Variants in HMGA2 observed in about 807,000 individuals in gnomAD.
HMGA2 encodes high mobility group protein HMGI-C.
HMGA2 carries 8 observed loss-of-function variants against 19.1 expected under a neutral mutation model. That is an observed-to-expected ratio of 0.42 (90% CI 0.25 to 0.76). HMGA2 has a LOEUF of 0.76. Among genes scored for constraint, HMGA2 ranks in the 30% least tolerant of loss-of-function variants. The pLI, the probability that HMGA2 is intolerant of heterozygous loss-of-function variation, is 0.28. For synonymous variants in HMGA2, 60 were observed against 48.8 expected (o/e 1.23, Z -0.96); for missense variants, 109 against 136.3 (o/e 0.80, Z 1.00).
intron 4 of HMGA2, among the ~76,000 whole-genome samples, chr12:65,962,516 G>A (rs2121332081): frequency 6.6e-6 from 1 of 152,306 alleles, no homozygotes; most frequent in South Asian, 2.1e-4. Flanking sequence ...CCGAACTTGG[G>A]TCACTGTCTC....
chr12:65,886,833 C>T (rs891925139), intron 3 of HMGA2, among the ~76,000 whole-genome samples: 2 of 152,172 alleles, frequency 1.3e-5, no homozygotes, highest in African/African-American at 4.8e-5. Context: ...CAACCCACAG[C>T]GGTCACTTTC....
At chr12:65,946,292 A>G (rs1876261866) in intron 3 of HMGA2, among the ~76,000 whole-genome samples, 1 of 152,216 alleles carries the variant, frequency 6.6e-6, no homozygotes, top group African/African-American at 2.4e-5. Flanking sequence ...AAACAAAATC[A>G]TATGATTTTA....
intron 3 of HMGA2, among the ~76,000 whole-genome samples, chr12:65,949,656 G>A (rs978467524): frequency 1.3e-5 from 2 of 152,126 alleles, no homozygotes; most frequent in African/African-American, 4.8e-5. Flanking sequence ...AAGTTAGGCA[G>A]GCAGAAAAAC....
chr12:65,900,684 A>C (rs1272259458), intron 3 of HMGA2, among the ~76,000 whole-genome samples: 3 of 152,262 alleles, frequency 2.0e-5, no homozygotes, highest in Admixed American at 2.0e-4. Flanking sequence ...CACTAGGAAC[A>C]AAATGAGCCC....
intron 3 of HMGA2, chr12:65,856,815 A>G (rs1871769622): frequency 6.6e-6 from 1 of 152,170 alleles, no homozygotes; most frequent in African/African-American, 2.4e-5. Flanking sequence ...TGGTTGCCAC[A>G]TGGTGGTAAC....
intron 4 of HMGA2, chr12:65,958,240 CTA>C (rs1292347046): frequency 6.6e-6 from 1 of 152,188 alleles, no homozygotes; most frequent in South Asian, 2.1e-4. Context: ...CCTAACAATT[CTA>C]TGTTTTTATA....
Position 65,855,565 on chromosome 12 carries a change from G to A in HMGA2, c.249+16996G>A, listed in dbSNP as rs138153559. Among the ~76,000 whole-genome samples, 32 of 151,946 alleles carry A rather than the reference G, an allele frequency of 2.1e-4. 4 individuals are homozygous for A. In the East Asian group the frequency reaches 2.1e-3, roughly 10 times the overall value. On this transcript the variant is annotated intron_variant, in intron 3 of 4. Coordinates refer to ENST00000403681, the MANE Select transcript of HMGA2 (RefSeq NM_003483.6). ...CCTCCAGGCTAAATGTCTCAGGCCTGCACTCTAGTCTGAGAAAAAATGGAT... is the reference window on the plus strand; with the variant it reads ...CCTCCAGGCTAAATGTCTCAGGCCTACACTCTAGTCTGAGAAAAAATGGAT...
chr12:65,833,736 C>T (rs955029785), intron 2 of HMGA2, among the ~76,000 whole-genome samples: 14 of 152,158 alleles, frequency 9.2e-5, no homozygotes, highest in African/African-American at 3.4e-4. Context: ...CACTTCACTG[C>T]ATTGAAATCA....
chr12:65,915,392 A>G (rs1035410893), intron 3 of HMGA2: 2 of 1,297,124 alleles, frequency 1.5e-6, no homozygotes, highest in East Asian at 3.3e-5. Context: ...ATGCAGAGCC[A>G]TGCCTGCGGG....
intron 4 of HMGA2, chr12:65,954,196 C>A (rs1876542134): frequency 6.6e-6 from 1 of 152,134 alleles, no homozygotes; most frequent in South Asian, 2.1e-4. Flanking sequence ...ATATAAATTC[C>A]AGGTAGCATT....
chr12:65,905,304 A>C (rs1044158373), intron 3 of HMGA2, among the ~76,000 whole-genome samples: 1 of 152,170 alleles, frequency 6.6e-6, no homozygotes, highest in Non-Finnish European at 1.5e-5. Flanking sequence ...CCGTTTTTGT[A>C]GGTAAAAAAA....
intron 4 of HMGA2, among the ~76,000 whole-genome samples, chr12:65,962,885 AC>A (rs1876791762): frequency 6.6e-6 from 1 of 152,112 alleles, no homozygotes. Context: ...GGTTTTTAAA[AC>A]TGATGAATGG....
At chr12:65,844,585 TA>T (rs2120902135) in intron 3 of HMGA2, among the ~76,000 whole-genome samples, 1 of 152,358 alleles carries the variant, frequency 6.6e-6, no homozygotes, top group East Asian at 1.9e-4. Flanking sequence ...GATTCAATAC[TA>T]ACATCTTTTT....
At chr12:65,890,873 A>C (rs1380059601) in intron 3 of HMGA2, among the ~76,000 whole-genome samples, 1 of 151,894 alleles carries the variant, frequency 6.6e-6, no homozygotes, top group Admixed American at 6.6e-5. Flanking sequence ...CCTGGTGTGC[A>C]TCACCGTGCC....
rs147287813 is a variant in HMGA2 at position 65,861,782 on chromosome 12, T to C, written c.249+23213T>C. Among the ~76,000 whole-genome samples the C allele has an allele frequency of 1.3e-4, 20 of 151,986 alleles. No individual in the cohort carries two copies. In the East Asian group the frequency reaches 3.5e-3, roughly 26 times the overall value. On this transcript the variant is annotated intron_variant, in intron 3 of 4. Transcript: ENST00000403681. ...TCTCTGTGAACTGGCTTTAAAGATATGCTTTAACATTTAATATAACAACAT... is the reference window on the plus strand; with the variant it reads ...TCTCTGTGAACTGGCTTTAAAGATACGCTTTAACATTTAATATAACAACAT...
intron 3 of HMGA2, chr12:65,882,127 T>C: frequency 6.6e-6 from 3 of 455,514 alleles, no homozygotes; most frequent in South Asian, 4.1e-5. Flanking sequence ...GCAACCTTAG[T>C]CAATGACAGA....
intron 3 of HMGA2, among the ~76,000 whole-genome samples, chr12:65,916,762 A>G (rs980688213): frequency 1.3e-5 from 2 of 152,178 alleles, no homozygotes; most frequent in Admixed American, 1.3e-4. Flanking sequence ...GGTCTGGGAA[A>G]ATAATAGAGA....
At chr12:65,861,482 TTTC>T (rs1331718418) in intron 3 of HMGA2, among the ~76,000 whole-genome samples, 1 of 152,230 alleles carries the variant, frequency 6.6e-6, no homozygotes, top group East Asian at 1.9e-4. Flanking sequence ...TGTAAACGTA[TTTC>T]TTATTTTTTA....
intron 3 of HMGA2, among the ~76,000 whole-genome samples, chr12:65,848,531 A>C (rs977321014): frequency 1.3e-5 from 2 of 152,214 alleles, no homozygotes; most frequent in Non-Finnish European, 2.9e-5. Context: ...TAAGTACTTC[A>C]GTTAGAATAA....
Sources: gnomAD v4.1 joint callset for allele counts (sites outside exome capture counted in the v4.1 genomes callset) on GRCh38, gnomAD v4.1.1 for gene constraint, MANE v1.5 for transcripts, NCBI Gene and HGNC (gene_info 2026-07-23, HGNC 2026-07-21) for gene names.